Variants in DNAH11 observed in about 807,000 individuals in gnomAD.
DNAH11 encodes the protein axonemal beta dynein heavy chain 11.
A neutral mutation model predicts 526.0 loss-of-function variants in DNAH11; 442 were observed. That is an observed-to-expected ratio of 0.84 (90% CI 0.78 to 0.91). The LOEUF (loss-of-function observed/expected upper bound fraction) is 0.91, where lower values mean the gene tolerates loss of function less well. Ranked by LOEUF, DNAH11 falls within the 40% of genes least tolerant of loss-of-function variation. The pLI, the probability that DNAH11 is intolerant of heterozygous loss-of-function variation, is 0.00. For missense variants in DNAH11, 6,989 were observed against 5,448.7 expected (o/e 1.28, Z -8.90); for synonymous variants, 2,461 against 1,935.9 (o/e 1.27, Z -7.12).
intron 36 of DNAH11, among the ~76,000 whole-genome samples, chr7:21,698,941 T>A (rs1783957586): frequency 1.3e-5 from 2 of 152,250 alleles, no homozygotes; most frequent in South Asian, 2.1e-4. Context: ...AAAACTTATT[T>A]TATAATTTTT....
chr7:21,733,055 T>G (rs1583639792), intron 45 of DNAH11, among the ~76,000 whole-genome samples: 2 of 149,698 alleles, frequency 1.3e-5, no homozygotes, highest in African/African-American at 2.5e-5. Flanking sequence ...GGGGGAGGGG[T>G]GGGGACTTGG....
At chr7:21,576,801 T>G (rs974252893) in intron 8 of DNAH11, among the ~76,000 whole-genome samples, 10 of 152,204 alleles carry the variant, frequency 6.6e-5, no homozygotes, top group African/African-American at 2.4e-4. Flanking sequence ...ATATATATTA[T>G]GATGTTTATA....
chr7:21,687,228 C>G lies in DNAH11; in HGVS notation c.5751C>G (p.Phe1917Leu). ...CCCTTGGCATGATGGTCTATGTATT[C>G]AACTGTTCAGAGCAAATGGACTACA... is the stretch of plus-strand genomic sequence containing the variant. ...GRALGMMVYV[F>L]NCSEQMDYKS... Residue 1917 changes from phenylalanine to leucine, a missense_variant, in exon 33 of 82, where the codon TTC becomes TTG. Phe to Leu is a conservative substitution (Grantham distance 22). Coordinates refer to ENST00000409508, the MANE Select transcript of DNAH11 (RefSeq NM_001277115.2). 3 of 1,599,062 alleles carry G rather than the reference C, an allele frequency of 1.9e-6. No individual in the cohort carries two copies. The highest frequency in any genetic ancestry group is 2.6e-6 in the Non-Finnish European group (3 of 1,173,450).
chr7:21,585,166 T>C (rs1434118801), intron 9 of DNAH11, among the ~76,000 whole-genome samples: 1 of 152,144 alleles, frequency 6.6e-6, no homozygotes, highest in Non-Finnish European at 1.5e-5. Context: ...CCTACTGTCA[T>C]AAGCTTGGCG....
intron 56 of DNAH11, among the ~76,000 whole-genome samples, chr7:21,778,330 T>C (rs915996873): frequency 6.6e-6 from 1 of 152,192 alleles, no homozygotes; most frequent in African/African-American, 2.4e-5. Flanking sequence ...CACAGCATAC[T>C]AATACCCCAA....
chr7:21,640,263 A>T (rs1787062936), intron 28 of DNAH11, among the ~76,000 whole-genome samples: 1 of 152,168 alleles, frequency 6.6e-6, no homozygotes, highest in South Asian at 2.1e-4. Context: ...GGATGCCTTT[A>T]AAAAAACTAT....
chr7:21,636,155 G>T, intron 26 of DNAH11, 60 bp downstream of exon 26: 1 of 1,388,928 alleles, frequency 7.2e-7, no homozygotes. Flanking sequence ...ACATGGTTTT[G>T]AGCATCGTAT....
At position 21,697,378 on chromosome 7, in the gene DNAH11, G is replaced by T. The variant is rs376368270; in HGVS notation, c.6042-697G>T. Among the ~76,000 whole-genome samples the T allele has an allele frequency of 1.1e-4, 16 of 152,256 alleles. No homozygotes were observed. In the East Asian group the frequency reaches 1.9e-3, roughly 18 times the overall value. On this transcript the variant is annotated intron_variant, in intron 35 of 81. Transcript: ENST00000409508. ...GGTCCTAGGCAGTGGTGTGCTGGCA[G>T]TGGCTGGCACAAGCTCTCAGTAGCT...
chr7:21,667,102 T>C (rs147001324), intron 30 of DNAH11, among the ~76,000 whole-genome samples: 229 of 152,156 alleles, frequency 1.5e-3, no homozygotes, highest in African/African-American at 5.2e-3. Flanking sequence ...TAAGCAAATA[T>C]AAAAAATGTG....
chr7:21,900,919 G>A, intron 81 of DNAH11, 88 bp from the exon 82 acceptor site: 1 of 1,446,246 alleles, frequency 6.9e-7, no homozygotes, highest in Admixed American at 2.6e-5. Flanking sequence ...CCAGAATGTT[G>A]AATGTTTATT....
rs1399706065 is a variant in DNAH11 at position 21,873,298 on chromosome 7, C to T, written c.11992C>T (p.Leu3998=). 6 of 1,599,580 alleles carry T rather than the reference C, an allele frequency of 3.8e-6. No homozygotes were observed. In the African/African-American group the frequency reaches 6.7e-5, roughly 18 times the overall value. ...GAATGTTCATTTGGTAGCCAAGTGGCTAGGAACCTTGGAGAAGCTCCTTGA... is the reference window on the plus strand; with the variant it reads ...GAATGTTCATTTGGTAGCCAAGTGGTTAGGAACCTTGGAGAAGCTCCTTGA... ...LQNVHLVAKW[L]GTLEKLLERF... is the part of the protein sequence containing the mutation. The change falls in exon 74 of 82, where the codon CTA becomes TTA. Residue 3998 remains leucine, a synonymous_variant. Coordinates refer to ENST00000409508, the MANE Select transcript of DNAH11 (RefSeq NM_001277115.2).
intron 75 of DNAH11, among the ~76,000 whole-genome samples, chr7:21,881,539 A>G (rs1783925304): frequency 6.6e-6 from 1 of 152,260 alleles, no homozygotes. Flanking sequence ...GATTTCAAAA[A>G]GCAAGAACCA....
At chr7:21,852,034 G>A (rs1447251194) in intron 66 of DNAH11, among the ~76,000 whole-genome samples, 1 of 151,926 alleles carries the variant, frequency 6.6e-6, no homozygotes, top group Admixed American at 6.6e-5. Flanking sequence ...AATTGTGATT[G>A]GTATGATTTT....
Position 21,901,484 on chromosome 7 carries a change from A to C in DNAH11, c.*230A>C, listed in dbSNP as rs539683855. ...CAGTTACTCAGGAGGTAGGAGAATC[A>C]CTTGAACCTAGGAGGCAAAGGTTGC... On this transcript the variant is annotated 3_prime_UTR_variant, in exon 82 of 82. Transcript: ENST00000409508. The C allele has an allele frequency of 2.2e-6, 1 of 447,528 alleles. No individual in the cohort carries two copies. Among genetic ancestry groups the C allele is most frequent in the Non-Finnish European group, 3.4e-6 (1 of 291,144 alleles). 27.7% of individuals were successfully genotyped at this position (447,528 alleles called of 1,614,324 possible).
At chr7:21,615,298 C>G in intron 21 of DNAH11, 26 bp downstream of exon 21, 1 of 1,604,030 alleles carries the variant, frequency 6.2e-7, no homozygotes, top group South Asian at 1.1e-5. Flanking sequence ...TCAAAACATG[C>G]TTTTTATTTA....
At chr7:21,616,391 C>A in intron 22 of DNAH11, 99 bp downstream of exon 22, 1 of 885,158 alleles carries the variant, frequency 1.1e-6, no homozygotes, top group Non-Finnish European at 1.7e-6. Flanking sequence ...GCTGCATGTA[C>A]TTATTTACTT....
Position 21,864,301 on chromosome 7 carries a change from G to T in DNAH11, c.11374-234G>T, listed in dbSNP as rs116591773. ...ATGTTGCTAATAGTGATAGGTGTTA[G>T]AATTGGAATAAATCAGCCTTCATAA... On this transcript the variant is annotated intron_variant, in intron 69 of 81. Coordinates refer to ENST00000409508, the MANE Select transcript of DNAH11 (RefSeq NM_001277115.2). Among the ~76,000 whole-genome samples, 389 of 152,276 alleles carry T rather than the reference G, an allele frequency of 2.6e-3. 2 individuals are homozygous for T. Among genetic ancestry groups the T allele is most frequent in the African/African-American group, 8.9e-3 (371 of 41,570 alleles).
rs751315980 is a variant in DNAH11, at chr7:21,710,736, T to C, written c.6834+33T>C. The C allele has an allele frequency of 3.1e-5, 50 of 1,589,608 alleles. 1 individual carries two copies. In the South Asian group the frequency reaches 5.6e-4, roughly 18 times the overall value. The stretch of plus-strand genomic sequence containing the variant: ...AAACCTCTGTTCTCAACCTTAAATA[T>C]AACATCCTGAGTGTATTAAGAGTTC... On this transcript the variant is annotated intron_variant, in intron 41 of 81. Coordinates refer to ENST00000409508, the MANE Select transcript of DNAH11 (RefSeq NM_001277115.2).
chr7:21,707,638 T>C, intron 39 of DNAH11, 61 bp from the exon 40 acceptor site: 1 of 1,562,956 alleles, frequency 6.4e-7, no homozygotes, highest in Admixed American at 1.9e-5. Flanking sequence ...CAGAAATCTT[T>C]TACTTTCCAT....
Sources: allele counts gnomAD v4.1 joint callset (sites outside exome capture counted in the v4.1 genomes callset), GRCh38; gene constraint gnomAD v4.1.1; transcripts MANE v1.5; gene names NCBI Gene and HGNC (gene_info 2026-07-23, HGNC 2026-07-21).